MARCHF1: variants seen among roughly 807,000 people sequenced by gnomAD.
The protein encoded by MARCHF1 is membrane associated ring-CH-type finger 1, also known as E3 ubiquitin-protein ligase MARCHF1.
In MARCHF1, 40 loss-of-function variants were observed where a neutral mutation model predicts 54.2. The observed-to-expected ratio is 0.74, with a 90% CI of 0.57 to 0.96. MARCHF1 has a LOEUF of 0.96. Ranked by LOEUF, MARCHF1 falls within the 40% of genes least tolerant of loss-of-function variation. The pLI is 0.00. For missense variants in MARCHF1, 586 were observed against 656.5 expected (o/e 0.89, Z 1.17); for synonymous variants, 236 against 236.3 (o/e 1.00, Z 0.01).
chr4:164,369,746 A>G (rs1391522609), intron 1 of MARCHF1, among the ~76,000 whole-genome samples: 1 of 152,186 alleles, frequency 6.6e-6, no homozygotes, highest in Non-Finnish European at 1.5e-5. Context: ...GATTAAATAA[A>G]CTACCCTATT....
At chr4:164,073,535 T>C (rs1409279492) in intron 2 of MARCHF1, among the ~76,000 whole-genome samples, 1 of 151,892 alleles carries the variant, frequency 6.6e-6, no homozygotes, top group Non-Finnish European at 1.5e-5. Flanking sequence ...TTAAGAGAAA[T>C]ACCTCATGTA....
chr4:163,956,025 A>G lies in MARCHF1; in HGVS notation c.-39+32476T>C, dbSNP rs1007545111. Reference sequence around the variant, plus strand: ...GTGAGTTAAAAATTGGTGGAATCCAAGAAAAAAAGGTATGTTGTTAATAGC... The same window carrying G: ...GTGAGTTAAAAATTGGTGGAATCCAGGAAAAAAAGGTATGTTGTTAATAGC... On this transcript the variant is annotated intron_variant, in intron 3 of 9. Coordinates refer to ENST00000514618, the MANE Select transcript of MARCHF1 (RefSeq NM_001394959.1). Among the ~76,000 whole-genome samples the G allele has an allele frequency of 1.3e-5, 2 of 152,138 alleles. 1 individual carries two copies. Among genetic ancestry groups the G allele is most frequent in the Admixed American group, 1.3e-4 (2 of 15,252 alleles).
At chr4:164,017,967 A>T (rs1183861928) in intron 2 of MARCHF1, among the ~76,000 whole-genome samples, 1 of 151,930 alleles carries the variant, frequency 6.6e-6, no homozygotes, top group Non-Finnish European at 1.5e-5. Context: ...GGATCAAGAG[A>T]AATAAATAAA....
At chr4:163,918,883 T>G (rs548162909) in intron 3 of MARCHF1, among the ~76,000 whole-genome samples, 1 of 152,178 alleles carries the variant, frequency 6.6e-6, no homozygotes, top group African/African-American at 2.4e-5. Context: ...AGTGTGGAAT[T>G]TATGTAGGGA....
At chr4:163,847,549 C>CTTTTTTTTTTTTTTT (rs747963284) in intron 4 of MARCHF1, among the ~76,000 whole-genome samples, 2 of 63,630 alleles carry the variant, frequency 3.1e-5, no homozygotes, top group African/African-American at 1.4e-4. Context: ...TTACAGTTTG[C>CTTTTTTTTTTTTTTT]TTTTTTTTTT....
At chr4:163,612,008 C>G (rs1741358185) in intron 7 of MARCHF1, among the ~76,000 whole-genome samples, 1 of 152,038 alleles carries the variant, frequency 6.6e-6, no homozygotes, top group Non-Finnish European at 1.5e-5. Context: ...CAAGACTCAG[C>G]TGAGTCAGCC....
At chr4:163,603,080 C>G (rs1741024269) in intron 7 of MARCHF1, among the ~76,000 whole-genome samples, 2 of 152,054 alleles carry the variant, frequency 1.3e-5, no homozygotes, top group South Asian at 4.1e-4. Context: ...AGCCAATGGG[C>G]AAGTGACCTA....
At chr4:163,737,320 C>T (rs557158296) in intron 4 of MARCHF1, among the ~76,000 whole-genome samples, 3,326 of 77,938 alleles carry the variant, frequency 0.043, 209 homozygotes, top group African/African-American at 0.12. Flanking sequence ...CACCCACTAA[C>T]GTGTCATCTA....
At chr4:163,617,034 G>A (rs1166598172) in intron 5 of MARCHF1, among the ~76,000 whole-genome samples, 1 of 152,064 alleles carries the variant, frequency 6.6e-6, no homozygotes, top group Admixed American at 6.6e-5. Flanking sequence ...AATGGATACA[G>A]AAAATGTGAT....
intron 4 of MARCHF1, among the ~76,000 whole-genome samples, chr4:163,825,699 G>A (rs988088230): frequency 2.6e-5 from 4 of 151,814 alleles, no homozygotes; most frequent in African/African-American, 7.3e-5. Context: ...GATTAGTGAC[G>A]TTAAGCATTT....
intron 2 of MARCHF1, among the ~76,000 whole-genome samples, chr4:164,012,500 TA>T (rs1346779247): frequency 2.0e-5 from 3 of 152,138 alleles, no homozygotes; most frequent in Non-Finnish European, 2.9e-5. Flanking sequence ...AACTGCTGAC[TA>T]AAGTGGTCTT....
intron 1 of MARCHF1, among the ~76,000 whole-genome samples, chr4:164,206,292 C>T (rs1731604401): frequency 6.6e-6 from 1 of 152,034 alleles, no homozygotes; most frequent in Admixed American, 6.6e-5. Flanking sequence ...CAAAAATTAG[C>T]CGGGCACGAT....
intron 9 of MARCHF1, among the ~76,000 whole-genome samples, chr4:163,535,267 T>A (rs912344243): frequency 1.3e-5 from 2 of 152,130 alleles, no homozygotes; most frequent in African/African-American, 4.8e-5. Flanking sequence ...AATATCAGGC[T>A]GATACAATAC....
In MARCHF1 at chr4:164,018,296, C is replaced by G. The variant is rs1374476593; in HGVS notation, c.-247-29587G>C. On this transcript the variant is annotated intron_variant, in intron 2 of 9. Transcript: ENST00000514618. ...ATACATAAAAATTGATAACTTTATT[C>G]AAATAACAACTACCATGTCTTTGAA... Among the ~76,000 whole-genome samples, 4 of 151,702 alleles carry G rather than the reference C, an allele frequency of 2.6e-5. No individual in the cohort carries two copies. In the East Asian group the frequency reaches 7.7e-4, roughly 29 times the overall value.
chr4:164,152,189 G>T (rs564002306), intron 1 of MARCHF1, among the ~76,000 whole-genome samples: 1 of 152,284 alleles, frequency 6.6e-6, no homozygotes, highest in South Asian at 2.1e-4. Context: ...ATTTCAGGTG[G>T]TGATACTTGG....
chr4:163,767,935 C>G (rs1185562735), intron 4 of MARCHF1, among the ~76,000 whole-genome samples: 2 of 152,158 alleles, frequency 1.3e-5, no homozygotes, highest in East Asian at 1.9e-4. Context: ...CCAAATTTAT[C>G]AAGTAAGAAA....
intron 8 of MARCHF1, among the ~76,000 whole-genome samples, chr4:163,550,030 C>T (rs536510884): frequency 6.6e-6 from 1 of 152,198 alleles, no homozygotes; most frequent in South Asian, 2.1e-4. Context: ...CGCCTGTAAT[C>T]CCAGCAGTTT....
intron 4 of MARCHF1, among the ~76,000 whole-genome samples, chr4:163,706,545 T>C (rs1744954797): frequency 6.6e-6 from 1 of 152,022 alleles, no homozygotes; most frequent in Admixed American, 6.6e-5. Flanking sequence ...AACAAGGACA[T>C]GAAATTTTAT....
At chr4:163,773,835 C>T (rs1747226605) in intron 4 of MARCHF1, among the ~76,000 whole-genome samples, 1 of 152,122 alleles carries the variant, frequency 6.6e-6, no homozygotes, top group South Asian at 2.1e-4. Flanking sequence ...AAAGTTTCTA[C>T]ATATCTGTTT....
Sources: gnomAD v4.1 joint callset for allele counts (sites outside exome capture counted in the v4.1 genomes callset) on GRCh38, gnomAD v4.1.1 for gene constraint, MANE v1.5 for transcripts, NCBI Gene and HGNC (gene_info 2026-07-23, HGNC 2026-07-21) for gene names.